SMN1: variants seen among roughly 807,000 people sequenced by gnomAD.
SMN1 encodes survival motor neuron protein.
For synonymous variants in SMN1, 3 were observed against 5.1 expected (o/e 0.58, Z 0.56); for missense variants, 15 against 17.1 (o/e 0.88, Z 0.22).
At chr5:70,956,615 C>G (rs1432139838), downstream of SMN1, among the ~76,000 whole-genome samples, 28 of 149,110 alleles carry the variant, frequency 1.9e-4, no homozygotes, top group African/African-American at 5.6e-4. Context: ...TGTCAAAGAT[C>G]AGATAGTTGT....
At chr5:70,960,093 A>G in the SMN1 span, among the ~76,000 whole-genome samples, 2 of 149,864 alleles carry the variant, frequency 1.3e-5, no homozygotes, top group African/African-American at 4.9e-5. Context: ...GTTAAAAATG[A>G]TTATCTCATA....
downstream of SMN1, among the ~76,000 whole-genome samples, chr5:70,955,707 C>T (rs1749889454): frequency 6.7e-6 from 1 of 148,240 alleles, no homozygotes; most frequent in Admixed American, 6.7e-5. Context: ...ATCACTTGAA[C>T]CCAGGAGGCG....
downstream of SMN1, among the ~76,000 whole-genome samples, chr5:70,958,563 C>T (rs1749952525): frequency 1.2e-5 from 1 of 82,268 alleles, no homozygotes; most frequent in South Asian, 5.1e-4. Flanking sequence ...GCCTTCATTT[C>T]GTTATGTACC....
downstream of SMN1, among the ~76,000 whole-genome samples, chr5:70,956,655 G>A (rs1749912306): frequency 6.7e-6 from 1 of 150,320 alleles, no homozygotes; most frequent in Admixed American, 6.7e-5. Context: ...TGAGAGCTCT[G>A]TTCTGTTCCA....
intron 7 of SMN1, among the ~76,000 whole-genome samples, chr5:70,951,020 G>A (rs58904338): frequency 0.044 from 6,662 of 151,274 alleles, 1 homozygote; most frequent in African/African-American, 0.15. Context: ...TGATCCGCCC[G>A]CCTTGGCCTC....
At chr5:70,957,838 A>G (rs1247076917), downstream of SMN1, among the ~76,000 whole-genome samples, 1 of 82,754 alleles carries the variant, frequency 1.2e-5, no homozygotes, top group African/African-American at 3.4e-5. Flanking sequence ...TCATAAAATG[A>G]GTTAGGGAGG....
At chr5:70,963,876 AACTT>A in the SMN1 span, among the ~76,000 whole-genome samples, 2 of 89,260 alleles carry the variant, frequency 2.2e-5, no homozygotes, top group East Asian at 6.9e-4. Flanking sequence ...GTAAGTTTCA[AACTT>A]TTTTTTTTTT....
chr5:70,956,736 A>C (rs2112841209), downstream of SMN1, among the ~76,000 whole-genome samples: 1 of 150,312 alleles, frequency 6.7e-6, no homozygotes, highest in East Asian at 2.0e-4. Flanking sequence ...GTATAGTTTG[A>C]AGTCAGGTAG....
In SMN1 at chr5:70,945,550, G is replaced by A. The variant is rs988924738; in HGVS notation, c.724-516G>A. ...CTACCCAAGACATTTACTTAAAATC[G>A]CCCTCGAAATGCTATGTGAGCTGTG... On this transcript the variant is annotated intron_variant, in intron 6 of 8. Transcript: ENST00000380707. 5.9e-5 allele frequency among the ~76,000 whole-genome samples: 6 copies of A among 102,228 alleles called. 2 individuals carry two copies. Among genetic ancestry groups the A allele is most frequent in the South Asian group, 2.8e-4 (1 of 3,634 alleles). 67.1% of individuals were successfully genotyped at this position (102,228 alleles called of 152,430 possible).
downstream of SMN1, among the ~76,000 whole-genome samples, chr5:70,954,854 A>AC (rs1749857928): frequency 1.6e-3 from 2 of 1,216 alleles, 1 homozygote; most frequent in Non-Finnish European, 4.0e-3. Context: ...CTCCGTCTCA[A>AC]AAAAAAAAAA....
intron 7 of SMN1, among the ~76,000 whole-genome samples, chr5:70,950,390 C>T (rs1344062075): frequency 1.3e-5 from 2 of 148,694 alleles, no homozygotes; most frequent in Admixed American, 1.3e-4. Flanking sequence ...GCACTCCAGC[C>T]TGGGCAACAA....
At position 70,951,889 on chromosome 5, in the gene SMN1, C is replaced by T. The variant is rs1008518349; in HGVS notation, c.835-52C>T. 3 of 1,520,522 alleles carry T rather than the reference C, an allele frequency of 2.0e-6. No homozygotes were observed. The African/African-American group carries it at 4.1e-5, about 21-fold the overall frequency. 94.2% of individuals were successfully genotyped at this position (1,520,522 alleles called of 1,614,324 possible). On this transcript the variant is annotated intron_variant, in intron 7 of 8. Coordinates refer to ENST00000380707, the MANE Select transcript of SMN1 (RefSeq NM_000344.4). The stretch of plus-strand genomic sequence containing the variant: ...TCCATATAAAGCTATCTATATATAG[C>T]TATCTATGTCTATATAGCTATTTTT...
At chr5:70,952,289 C>CT (rs1229623735) in intron 8 of SMN1, 150 bp from the exon 9 acceptor site, 136 of 1,383,722 alleles carry the variant, frequency 9.8e-5, no homozygotes, top group Non-Finnish European at 1.2e-4. Context: ...GACCAGCAGA[C>CT]TTTTTTTTAT....
chr5:70,950,082 T>A (rs1477490196), intron 7 of SMN1, among the ~76,000 whole-genome samples: 6 of 123,178 alleles, frequency 4.9e-5, no homozygotes, highest in Admixed American at 2.6e-4. Flanking sequence ...AAAAAAAAAA[T>A]AAGGTATAAG....
intron 7 of SMN1, among the ~76,000 whole-genome samples, chr5:70,946,513 CTTTTTTT>C (rs1233804907): frequency 3.0e-4 from 1 of 3,282 alleles, no homozygotes; most frequent in Non-Finnish European, 4.3e-4. Flanking sequence ...AAATGAAATT[CTTTTTTT>C]TTTTTTTTTT....
At chr5:70,958,863 C>T (rs901738237), downstream of SMN1, among the ~76,000 whole-genome samples, 7 of 150,192 alleles carry the variant, frequency 4.7e-5, no homozygotes, top group African/African-American at 1.7e-4. Context: ...CCTCAGGGAT[C>T]TAGAACTAGA....
rs1204778691 is a variant in SMN1 at position 70,935,768 on chromosome 5, C to A, written c.82-3071C>A. On this transcript the variant is annotated intron_variant, in intron 1 of 8. Transcript: ENST00000380707. ...ACTCTTGTCTCAAGAGAAAACAAAA[C>A]AAAACAAAAAAAAAACAGGAAAATG... 6.3e-5 allele frequency among the ~76,000 whole-genome samples: 9 copies of A among 143,348 alleles called. No individual in the cohort carries two copies. In the East Asian group the frequency reaches 1.0e-3, roughly 16 times the overall value. The allele number at this position is 143,348 out of a possible 152,430, so 94.0% of individuals were successfully genotyped here. A position where few individuals can be genotyped will look rare whatever the true frequency, so the allele number is the denominator to read the frequency against.
downstream of SMN1, among the ~76,000 whole-genome samples, chr5:70,955,216 A>T (rs1184584966): frequency 6.9e-6 from 1 of 144,850 alleles, no homozygotes; most frequent in African/African-American, 2.5e-5. Context: ...CCCTGTCTCA[A>T]AAAAAAAAAC....
chr5:70,935,982 TAAAA>T (rs1268273878), intron 1 of SMN1, among the ~76,000 whole-genome samples: 1 of 70,736 alleles, frequency 1.4e-5, no homozygotes, highest in Non-Finnish European at 2.8e-5. Context: ...TTTATTGAAG[TAAAA>T]AAATTTGTCA....
Sources: allele counts gnomAD v4.1 joint callset (sites outside exome capture counted in the v4.1 genomes callset), GRCh38; gene constraint gnomAD v4.1.1; transcripts MANE v1.5; gene names NCBI Gene and HGNC (gene_info 2026-07-23, HGNC 2026-07-21).